The following GJB7 variants were observed in gnomAD, a reference collection of about 807,000 sequenced individuals.
GJB7 encodes the protein gap junction protein beta 7.
For synonymous variants in GJB7, 87 were observed against 95.2 expected (o/e 0.91, Z 0.50); for missense variants, 253 against 256.8 (o/e 0.99, Z 0.10).
intron 2 of GJB7, among the ~76,000 whole-genome samples, chr6:87,294,520 T>C (rs1452387925): frequency 6.6e-6 from 1 of 152,266 alleles, no homozygotes; most frequent in Non-Finnish European, 1.5e-5. Flanking sequence ...CTATTATGCA[T>C]TGGGAACCAT....
chr6:87,288,525 T>C (rs957693862), intron 2 of GJB7, among the ~76,000 whole-genome samples: 1 of 152,216 alleles, frequency 6.6e-6, no homozygotes, highest in African/African-American at 2.4e-5. Context: ...CATCTCTGAC[T>C]TTCAGCTGCC....
chr6:87,286,664 T>G (rs917195694), intron 2 of GJB7, among the ~76,000 whole-genome samples: 1 of 152,196 alleles, frequency 6.6e-6, no homozygotes, highest in African/African-American at 2.4e-5. Flanking sequence ...TTGAACTTCG[T>G]GGGATGGGCC....
chr6:87,304,950 A>G (rs188665964), intron 2 of GJB7, among the ~76,000 whole-genome samples: 3 of 152,360 alleles, frequency 2.0e-5, no homozygotes, highest in South Asian at 2.1e-4. Flanking sequence ...ATAGATGCAG[A>G]AAAGGCCTTT....
At chr6:87,322,473 G>A (rs1015258830) in intron 2 of GJB7, 4 of 152,386 alleles carry the variant, frequency 2.6e-5, no homozygotes, top group African/African-American at 9.6e-5. Flanking sequence ...GGCTAGCACT[G>A]GATGGGTCCC....
At chr6:87,298,059 C>T (rs1453631306) in intron 2 of GJB7, among the ~76,000 whole-genome samples, 1 of 152,190 alleles carries the variant, frequency 6.6e-6, no homozygotes, top group Non-Finnish European at 1.5e-5. Flanking sequence ...CAGGTATTGG[C>T]TGGAGTCAGA....
intron 2 of GJB7, chr6:87,300,339 G>A (rs996802842): frequency 3.1e-5 from 6 of 196,076 alleles, no homozygotes; most frequent in East Asian, 1.2e-4. Flanking sequence ...TTTATTGGGC[G>A]CTGCTGGGGT....
At position 87,284,026 on chromosome 6, in the gene GJB7, C is replaced by G; in HGVS notation, c.*215G>C. 1.9e-6 allele frequency: 1 copy of G among 523,986 alleles called. No individual in the cohort carries two copies. The highest frequency in any genetic ancestry group is 3.3e-5 in the Admixed American group (1 of 30,736). 32.5% of individuals were successfully genotyped at this position (523,986 alleles called of 1,614,324 possible). Reference sequence around the variant, plus strand: ...GCATATTGACAATGTAAAAAAATTCCTCCCAAATGATACTAAGGCTGATGT... The same window carrying G: ...GCATATTGACAATGTAAAAAAATTCGTCCCAAATGATACTAAGGCTGATGT... On this transcript the variant is annotated 3_prime_UTR_variant, in exon 3 of 3. Coordinates refer to ENST00000525899, the MANE Select transcript of GJB7 (RefSeq NM_198568.3).
At position 87,305,328 on chromosome 6, in the gene GJB7, T is replaced by G. The variant is rs1776407115; in HGVS notation, c.-28+17538A>C. On this transcript the variant is annotated intron_variant, in intron 2 of 2. Transcript: ENST00000525899. Reference sequence around the variant, plus strand: ...AAGCTGATAAGCAATTTCAGCAAAGTCTCAGGATACAAAATCAATGTGCAA... The same window carrying G: ...AAGCTGATAAGCAATTTCAGCAAAGGCTCAGGATACAAAATCAATGTGCAA... Among the ~76,000 whole-genome samples the G allele has an allele frequency of 2.6e-5, 4 of 152,146 alleles. No individual in the cohort carries two copies. In the South Asian group the frequency reaches 8.3e-4, roughly 32 times the overall value.
intron 2 of GJB7, among the ~76,000 whole-genome samples, chr6:87,310,559 T>C (rs548486335): frequency 2.0e-5 from 3 of 152,242 alleles, no homozygotes; most frequent in African/African-American, 7.2e-5. Flanking sequence ...TGTACACTGC[T>C]TGGGTGATGG....
chr6:87,319,435 A>G (rs1323912708), intron 2 of GJB7, among the ~76,000 whole-genome samples: 1 of 152,178 alleles, frequency 6.6e-6, no homozygotes, highest in Admixed American at 6.5e-5. Flanking sequence ...TGATCATGAC[A>G]GTAAAAGTAC....
At position 87,284,183 on chromosome 6, in the gene GJB7, C is replaced by G. The variant is rs1776016863; in HGVS notation, c.*58G>C. 1 of 1,368,126 alleles carries G rather than the reference C, an allele frequency of 7.3e-7. No individual in the cohort carries two copies. Among genetic ancestry groups the G allele is most frequent in the Non-Finnish European group, 1.0e-6 (1 of 981,110 alleles). The allele number at this position is 1,368,126 out of a possible 1,614,324, so 84.7% of individuals were successfully genotyped here. ...GTGTTTATGGCCAAGTGTGAAGATT[C>G]TGGAGTAGGGGAGGGGTCCCTCTCC... On this transcript the variant is annotated 3_prime_UTR_variant, in exon 3 of 3. Transcript: ENST00000525899.
intron 1 of GJB7, among the ~76,000 whole-genome samples, chr6:87,327,501 C>T (rs1776857997): frequency 1.3e-5 from 2 of 150,400 alleles, no homozygotes; most frequent in African/African-American, 4.9e-5. Context: ...TTTTATTTCT[C>T]CTTCACTTAT....
chr6:87,306,066 T>C (rs2127905324), intron 2 of GJB7, among the ~76,000 whole-genome samples: 1 of 151,866 alleles, frequency 6.6e-6, no homozygotes, highest in Non-Finnish European at 1.5e-5. Flanking sequence ...CCTAAAACCA[T>C]AAAAACCCTA....
At chr6:87,311,847 C>A (rs1045392174) in intron 2 of GJB7, among the ~76,000 whole-genome samples, 2 of 152,154 alleles carry the variant, frequency 1.3e-5, no homozygotes, top group Non-Finnish European at 2.9e-5. Context: ...GGTCTCAGCT[C>A]TCAGTCCCAT....
intron 2 of GJB7, among the ~76,000 whole-genome samples, chr6:87,319,568 G>C (rs1776627914): frequency 6.6e-6 from 1 of 152,176 alleles, no homozygotes; most frequent in South Asian, 2.1e-4. Context: ...ATTGTTTTTA[G>C]CTACTGCAGT....
chr6:87,287,072 C>CA (rs1776073295), intron 2 of GJB7, among the ~76,000 whole-genome samples: 1 of 152,110 alleles, frequency 6.6e-6, no homozygotes, highest in Non-Finnish European at 1.5e-5. Context: ...TTTGTGACAA[C>CA]AAAAAATGTC....
At chr6:87,300,108 G>T in intron 2 of GJB7, 1 of 304,530 alleles carries the variant, frequency 3.3e-6, no homozygotes, top group Non-Finnish European at 6.4e-6. Context: ...CTTGAGCCTT[G>T]GATTCATTAA....
chr6:87,297,174 G>T (rs1388316822), intron 2 of GJB7, among the ~76,000 whole-genome samples: 1 of 152,122 alleles, frequency 6.6e-6, no homozygotes, highest in African/African-American at 2.4e-5. Context: ...AGCTAATTTG[G>T]GCTTAGTTTT....
intron 1 of GJB7, among the ~76,000 whole-genome samples, chr6:87,326,573 G>T (rs1025288249): frequency 1.3e-5 from 2 of 149,244 alleles, no homozygotes; most frequent in Non-Finnish European, 3.0e-5. Context: ...GTAGTTGAGT[G>T]GTTTTGAGTG....
Sources: allele counts gnomAD v4.1 joint callset (sites outside exome capture counted in the v4.1 genomes callset), GRCh38; gene constraint gnomAD v4.1.1; transcripts MANE v1.5; gene names NCBI Gene and HGNC (gene_info 2026-07-23, HGNC 2026-07-21).